The following SCUBE3 variants were observed in gnomAD, a reference collection of about 807,000 sequenced individuals.
The protein encoded by SCUBE3 is signal peptide, CUB domain and EGF like domain containing 3.
A neutral mutation model predicts 116.8 loss-of-function variants in SCUBE3; 33 were observed. The observed-to-expected ratio is 0.28, with a 90% CI of 0.21 to 0.38. SCUBE3 has a LOEUF of 0.38. SCUBE3 is among the 10% of genes least tolerant of loss of function. The probability of loss-of-function intolerance (pLI) is 1.00; values close to 1 mark genes in which losing one functional copy is unlikely to be tolerated. For synonymous variants in SCUBE3, 418 were observed against 496.9 expected (o/e 0.84, Z 2.11); for missense variants, 1,007 against 1,324.8 (o/e 0.76, Z 3.72).
intron 1 of SCUBE3, chr6:35,220,517 A>C (rs1438088822): frequency 1.3e-5 from 2 of 152,202 alleles, no homozygotes; most frequent in Non-Finnish European, 2.9e-5. Flanking sequence ...CCATCCTCTA[A>C]AAGTCTCTGA....
Position 35,233,598 on chromosome 6 carries a change from G to A in SCUBE3, c.712+297G>A, listed in dbSNP as rs1188552420. Among the ~76,000 whole-genome samples the A allele has an allele frequency of 1.3e-5, 2 of 152,200 alleles. No individual in the cohort carries two copies. The highest frequency in any genetic ancestry group is 3.8e-4 in the East Asian group (2 of 5,202). ...TGCCAAACTGGGAATAATTAGCAGAGTTGCTTATTGACCAAGGCTGTAGTT... is the reference window on the plus strand; with the variant it reads ...TGCCAAACTGGGAATAATTAGCAGAATTGCTTATTGACCAAGGCTGTAGTT... On this transcript the variant is annotated intron_variant, in intron 6 of 21. Coordinates refer to ENST00000274938, the MANE Select transcript of SCUBE3 (RefSeq NM_152753.4). The surrounding 1 kb of genome is among the most constrained non-coding windows in gnomAD (Gnocchi z 5.7).
chr6:35,252,606 T>A lies in SCUBE3; in HGVS notation c.*3901T>A, dbSNP rs536220530. On this transcript the variant is annotated 3_prime_UTR_variant, in exon 22 of 22. Coordinates refer to ENST00000274938, the MANE Select transcript of SCUBE3 (RefSeq NM_152753.4). ...AATGTTAACCCTCCAGGTTTCTTTC[T>A]TAAGCACAATAAAAGTGGGAGCGAA... 3.9e-5 allele frequency: 6 copies of A among 152,368 alleles called. No homozygotes were observed. Among genetic ancestry groups the A allele is most frequent in the African/African-American group, 1.4e-4 (6 of 41,596 alleles). 9.4% of individuals were successfully genotyped at this position (152,368 alleles called of 1,614,324 possible).
chr6:35,224,614 GAC>G (rs2150289128), intron 1 of SCUBE3: 1 of 115,990 alleles, frequency 8.6e-6, no homozygotes, highest in Non-Finnish European at 1.6e-5. Flanking sequence ...CTGGGTGACA[GAC>G]CGAGACTTCA....
chr6:35,220,092 T>C (rs1246421785), intron 1 of SCUBE3, among the ~76,000 whole-genome samples: 1 of 152,174 alleles, frequency 6.6e-6, no homozygotes, highest in Non-Finnish European at 1.5e-5. Flanking sequence ...CGCTCCACGG[T>C]TATATACTGG....
At position 35,242,681 on chromosome 6, in the gene SCUBE3, C is replaced by A; in HGVS notation, c.1594C>A (p.Arg532=). The A allele has an allele frequency of 1.9e-6, 3 of 1,614,126 alleles. No individual in the cohort carries two copies. Among genetic ancestry groups the A allele is most frequent in the Non-Finnish European group, 2.5e-6 (3 of 1,179,964 alleles). The change falls in exon 14 of 22, where the codon CGG becomes AGG. Residue 532 remains arginine, a synonymous_variant. Coordinates refer to ENST00000274938, the MANE Select transcript of SCUBE3 (RefSeq NM_152753.4). The part of the protein sequence containing the change: ...TFIHLKCDSS[R]KGKGRRARTP... ...CATCCACCTTAAGTGTGACTCCTCT[C>A]GGAAGGGCAAGGGCCGACGGGCCCG...
chr6:35,248,960 C>A lies in SCUBE3; in HGVS notation c.*255C>A. ...AAGCCATTCAGTACTGGCTCTAGTC[C>A]CCGTGAGATGTAAAGAAACAGTACA... On this transcript the variant is annotated 3_prime_UTR_variant, in exon 22 of 22. Coordinates refer to ENST00000274938, the MANE Select transcript of SCUBE3 (RefSeq NM_152753.4). 1 of 494,538 alleles carries A rather than the reference C, an allele frequency of 2.0e-6. No individual in the cohort carries two copies. 30.6% of individuals were successfully genotyped at this position (494,538 alleles called of 1,614,324 possible).
chr6:35,239,188 T>C lies in SCUBE3; in HGVS notation c.830-564T>C, dbSNP rs574370195. On this transcript the variant is annotated intron_variant, in intron 7 of 21. Coordinates refer to ENST00000274938, the MANE Select transcript of SCUBE3 (RefSeq NM_152753.4). This position sits in a 1 kb window ranked among gnomAD's most constrained non-coding sequence, Gnocchi z 4.1. ...TTGCCTGGCCCCCAGCCCTCCCCCA[T>C]CAGCTACCCAGCCTCACTGGCTCTC... 1.2e-4 allele frequency among the ~76,000 whole-genome samples: 18 copies of C among 149,884 alleles called. No individual in the cohort carries two copies. The East Asian group carries it at 2.8e-3, about 23-fold the overall frequency.
At chr6:35,227,529 C>G (rs775730148) in intron 1 of SCUBE3, 51 bp from the exon 2 acceptor site, 5 of 1,609,694 alleles carry the variant, frequency 3.1e-6, no homozygotes, top group East Asian at 2.2e-5. Flanking sequence ...TCAAGACACC[C>G]CTTAAGAGGT....
rs76506493 is a variant in SCUBE3 at position 35,239,537 on chromosome 6, T to C, written c.830-215T>C. Among the ~76,000 whole-genome samples the C allele has an allele frequency of 5.4e-4, 82 of 152,146 alleles. No homozygotes were observed. In the East Asian group the frequency reaches 0.012, roughly 22 times the overall value. Reference sequence around the variant, plus strand: ...ATCCCAGAAGAGAGGGTGTTACTAATGGCCACAGATCCCCTGAACAGGGAA... The same window carrying C: ...ATCCCAGAAGAGAGGGTGTTACTAACGGCCACAGATCCCCTGAACAGGGAA... On this transcript the variant is annotated intron_variant, in intron 7 of 21. Coordinates refer to ENST00000274938, the MANE Select transcript of SCUBE3 (RefSeq NM_152753.4). This position sits in a 1 kb window ranked among gnomAD's most constrained non-coding sequence, Gnocchi z 4.1.
At chr6:35,230,206 G>A (rs1211290476) in intron 3 of SCUBE3, among the ~76,000 whole-genome samples, 1 of 152,220 alleles carries the variant, frequency 6.6e-6, no homozygotes, top group Non-Finnish European at 1.5e-5. Flanking sequence ...CCTTTGGGAA[G>A]GGAAGCTGTG....
chr6:35,236,927 T>C (rs1783799615), intron 6 of SCUBE3, among the ~76,000 whole-genome samples: 1 of 152,200 alleles, frequency 6.6e-6, no homozygotes, highest in Non-Finnish European at 1.5e-5. Flanking sequence ...CACATCTGAC[T>C]TTCCCAAGCT....
chr6:35,233,293 C>A lies in SCUBE3; in HGVS notation c.704C>A (p.Thr235Lys). 6.3e-7 allele frequency: 1 copy of A among 1,593,690 alleles called. No homozygotes were observed. Among genetic ancestry groups the A allele is most frequent in the Non-Finnish European group, 8.6e-7 (1 of 1,161,874 alleles). ...IKFVLHTDGKTCIETCAVNNG... is the reference protein window; with the variant it reads ...IKFVLHTDGKKCIETCAVNNG... ...TTTGTGCTCCATACCGACGGGAAGACATGCATCGGTGGGTGAGGCCAGGGG... is the reference window on the plus strand; with the variant it reads ...TTTGTGCTCCATACCGACGGGAAGAAATGCATCGGTGGGTGAGGCCAGGGG... Residue 235 changes from threonine (T) to lysine (K), a missense_variant, in exon 6 of 22, where the codon ACA becomes AAA. This residue lies in a region of SCUBE3 where 214 missense variants were observed against 316.7 expected (regional missense o/e 0.68). Coordinates refer to ENST00000274938, the MANE Select transcript of SCUBE3 (RefSeq NM_152753.4). This position sits in a 1 kb window ranked among gnomAD's most constrained non-coding sequence, Gnocchi z 5.7.
In SCUBE3 at chr6:35,250,306, G is replaced by GA. The variant is rs2150320584; in HGVS notation, c.*1601_*1602insA. ...GTCAGTGATTCTCTACCCCAAGTAGGGAAAACCTCCATCTTTTCCCTGTCT... is the reference window on the plus strand; with the variant it reads ...GTCAGTGATTCTCTACCCCAAGTAGGAGAAAACCTCCATCTTTTCCCTGTCT... On this transcript the variant is annotated 3_prime_UTR_variant, in exon 22 of 22. Coordinates refer to ENST00000274938, the MANE Select transcript of SCUBE3 (RefSeq NM_152753.4). 6.6e-6 allele frequency: 1 copy of GA among 152,358 alleles called. No homozygotes were observed. The highest frequency in any genetic ancestry group is 6.5e-5 in the Admixed American group (1 of 15,296). 9.4% of individuals were successfully genotyped at this position (152,358 alleles called of 1,614,324 possible). A position where few individuals can be genotyped will look rare whatever the true frequency, so the allele number is the denominator to read the frequency against.
chr6:35,214,318 C>CCCCCA lies in SCUBE3; in HGVS notation c.-97_-96insACCCC. ...CCCCCGGCCTGGCCCCGGCGGGGCG[C>CCCCCA]CCCCTCCCCTCCCCCTCCTGCGAGC... On this transcript the variant is annotated 5_prime_UTR_variant, in exon 1 of 22. Transcript: ENST00000274938. The surrounding 1 kb of genome is among the most constrained non-coding windows in gnomAD (Gnocchi z 6.3). 8 of 638,786 alleles carry CCCCCA rather than the reference C, an allele frequency of 1.3e-5. No homozygotes were observed. The highest frequency in any genetic ancestry group is 1.9e-5 in the African/African-American group (1 of 51,600). The allele number at this position is 638,786 out of a possible 1,614,324, so 39.6% of individuals were successfully genotyped here. A position where few individuals can be genotyped will look rare whatever the true frequency, so the allele number is the denominator to read the frequency against.
Position 35,231,626 on chromosome 6 carries a change from G to T in SCUBE3, c.335-99G>T, listed in dbSNP as rs1783551318. On this transcript the variant is annotated intron_variant, in intron 3 of 21. Coordinates refer to ENST00000274938, the MANE Select transcript of SCUBE3 (RefSeq NM_152753.4). This position sits in a 1 kb window ranked among gnomAD's most constrained non-coding sequence, Gnocchi z 4.2. The stretch of plus-strand genomic sequence containing the variant: ...TCCTGGCTTAAGGCTGGGCTTAGGG[G>T]GTAGTAGTTCTTAAGACTGCCTTTG... 9.6e-7 allele frequency: 1 copy of T among 1,036,402 alleles called. No individual in the cohort carries two copies. The highest frequency in any genetic ancestry group is 1.6e-5 in the African/African-American group (1 of 62,682). 64.2% of individuals were successfully genotyped at this position (1,036,402 alleles called of 1,614,324 possible). A position where few individuals can be genotyped will look rare whatever the true frequency, so the allele number is the denominator to read the frequency against.
chr6:35,248,814 GA>G lies in SCUBE3; in HGVS notation c.*119del, dbSNP rs941177139. 1,840 of 739,542 alleles carry G rather than the reference GA, an allele frequency of 2.5e-3. No individual in the cohort carries two copies. Among genetic ancestry groups the G allele is most frequent in the East Asian group, 4.0e-3 (140 of 35,344 alleles). 45.8% of individuals were successfully genotyped at this position (739,542 alleles called of 1,614,324 possible). A position where few individuals can be genotyped will look rare whatever the true frequency, so the allele number is the denominator to read the frequency against. On this transcript the variant is annotated 3_prime_UTR_variant, in exon 22 of 22. Transcript: ENST00000274938. ...GAACTCTCTCCTCTCTTTTTGGAGG[GA>G]AAAAAAAAATATCACTACACAAACC...
Position 35,231,602 on chromosome 6 carries a change from C to T in SCUBE3, c.335-123C>T, listed in dbSNP as rs1260177881. 11 of 779,116 alleles carry T rather than the reference C, an allele frequency of 1.4e-5. No individual in the cohort carries two copies. Among genetic ancestry groups the T allele is most frequent in the Non-Finnish European group, 2.1e-5 (11 of 528,618 alleles). The allele number at this position is 779,116 out of a possible 1,614,324, so 48.3% of individuals were successfully genotyped here. A position where few individuals can be genotyped will look rare whatever the true frequency, so the allele number is the denominator to read the frequency against. ...TTAGCTGACAAGGGTGTGAGGACTT[C>T]CTGGCTTAAGGCTGGGCTTAGGGGG... On this transcript the variant is annotated intron_variant, in intron 3 of 21. Transcript: ENST00000274938. This position sits in a 1 kb window ranked among gnomAD's most constrained non-coding sequence, Gnocchi z 4.2.
In SCUBE3 at chr6:35,252,813, G is replaced by A. The variant is rs545111794; in HGVS notation, c.*4108G>A. On this transcript the variant is annotated 3_prime_UTR_variant, in exon 22 of 22. Transcript: ENST00000274938. ...CTGAAAACTTTATACTTCTGTGTGAGCTGAACTCAAGTTTCAGAATAATCA... is the reference window on the plus strand; with the variant it reads ...CTGAAAACTTTATACTTCTGTGTGAACTGAACTCAAGTTTCAGAATAATCA... 6.6e-6 allele frequency: 1 copy of A among 152,322 alleles called. No individual in the cohort carries two copies. The highest frequency in any genetic ancestry group is 2.4e-5 in the African/African-American group (1 of 41,566). 9.4% of individuals were successfully genotyped at this position (152,322 alleles called of 1,614,324 possible). A position where few individuals can be genotyped will look rare whatever the true frequency, so the allele number is the denominator to read the frequency against.
rs1176999895 is a variant in SCUBE3, at chr6:35,243,517, G to C, written c.1910-77G>C. On this transcript the variant is annotated intron_variant, in intron 15 of 21. Coordinates refer to ENST00000274938, the MANE Select transcript of SCUBE3 (RefSeq NM_152753.4). The surrounding 1 kb of genome is among the most constrained non-coding windows in gnomAD (Gnocchi z 6.6). ...TCCCTGAATCGGGGGTTGTGGCGGG[G>C]AGTGGGAAGGGGAGTCCCAGGCCTG... The C allele has an allele frequency of 1.5e-6, 2 of 1,322,770 alleles. No individual in the cohort carries two copies. The highest frequency in any genetic ancestry group is 1.5e-5 in the African/African-American group (1 of 68,860). The allele number at this position is 1,322,770 out of a possible 1,614,324, so 81.9% of individuals were successfully genotyped here.
Sources: allele counts gnomAD v4.1 joint callset (sites outside exome capture counted in the v4.1 genomes callset), GRCh38; gene constraint gnomAD v4.1.1; regional missense constraint gnomAD v4.1.1; non-coding constraint Gnocchi (gnomAD v3.1); transcripts MANE v1.5; gene names NCBI Gene and HGNC (gene_info 2026-07-23, HGNC 2026-07-21).